The following CDH13 variants were observed in gnomAD, a reference collection of about 807,000 sequenced individuals.
The protein encoded by CDH13 is cadherin 13, also known as cadherin-13.
A neutral mutation model predicts 63.8 loss-of-function variants in CDH13; 24 were observed. That is an observed-to-expected ratio of 0.38 (90% CI 0.27 to 0.53). The LOEUF is 0.53. CDH13 is among the 20% of genes least tolerant of loss of function. CDH13 has a pLI of 0.85. For missense variants in CDH13, 1,049 were observed against 903.1 expected (o/e 1.16, Z -2.07); for synonymous variants, 503 against 355.3 (o/e 1.42, Z -4.67).
At chr16:83,117,421 G>T (rs1190715922) in intron 3 of CDH13, among the ~76,000 whole-genome samples, 1 of 151,900 alleles carries the variant, frequency 6.6e-6, no homozygotes, top group Non-Finnish European at 1.5e-5. Flanking sequence ...TCGGTGGACC[G>T]CTTCTTGCCT....
chr16:82,683,771 A>T (rs560290608), intron 1 of CDH13, among the ~76,000 whole-genome samples: 1 of 152,348 alleles, frequency 6.6e-6, no homozygotes, highest in South Asian at 2.1e-4. Context: ...ATGAGACTCA[A>T]GCCAAGAAGG....
At chr16:83,193,726 T>A (rs1264183312) in intron 4 of CDH13, among the ~76,000 whole-genome samples, 1 of 152,212 alleles carries the variant, frequency 6.6e-6, no homozygotes. Flanking sequence ...TTCCTCTGCA[T>A]CTTCACCAAG....
chr16:83,535,600 A>G (rs1003967898), intron 7 of CDH13, among the ~76,000 whole-genome samples: 1 of 152,212 alleles, frequency 6.6e-6, no homozygotes, highest in Non-Finnish European at 1.5e-5. Context: ...TGAGATCTCA[A>G]CATGGGGAAG....
At chr16:82,951,541 C>T (rs529809258) in intron 2 of CDH13, among the ~76,000 whole-genome samples, 6 of 152,120 alleles carry the variant, frequency 3.9e-5, no homozygotes, top group Non-Finnish European at 5.9e-5. Context: ...GGTTCTTATG[C>T]GAGACCACGG....
intron 1 of CDH13, among the ~76,000 whole-genome samples, chr16:82,767,747 C>G (rs752670448): frequency 5.3e-5 from 8 of 152,208 alleles, no homozygotes; most frequent in Non-Finnish European, 8.8e-5. Context: ...TGAGCTCTCT[C>G]TCCTTTGGAC....
chr16:82,769,158 A>T (rs2035168949), intron 1 of CDH13, among the ~76,000 whole-genome samples: 1 of 152,162 alleles, frequency 6.6e-6, no homozygotes, highest in South Asian at 2.1e-4. Context: ...GTCACAGGCA[A>T]ATGGCTTTAT....
intron 5 of CDH13, among the ~76,000 whole-genome samples, chr16:83,226,295 A>C (rs1321849166): frequency 6.6e-6 from 1 of 152,196 alleles, no homozygotes; most frequent in Non-Finnish European, 1.5e-5. Context: ...CCTGGATTAG[A>C]CTGCTGAGTT....
chr16:83,042,073 G>C (rs539670742), intron 3 of CDH13, among the ~76,000 whole-genome samples: 1 of 152,142 alleles, frequency 6.6e-6, no homozygotes, highest in African/African-American at 2.4e-5. Flanking sequence ...TGAATCCTCT[G>C]TTTGTTTTGG....
rs150220335 is a variant in CDH13 at position 83,066,884 on chromosome 16, G to C, written c.366+34666G>C. 2.2e-3 allele frequency among the ~76,000 whole-genome samples: 332 copies of C among 152,324 alleles called. 2 individuals carry two copies. Among genetic ancestry groups the C allele is most frequent in the African/African-American group, 7.6e-3 (318 of 41,590 alleles). On this transcript the variant is annotated intron_variant, in intron 3 of 13. Transcript: ENST00000567109. ...GAGCATGAAGTGTTGGTTAGAGTGA[G>C]TGCTTAAAGGCACTGGACTAAGAAA...
At chr16:83,286,336 A>C (rs75230925) in intron 5 of CDH13, among the ~76,000 whole-genome samples, 8,430 of 152,220 alleles carry the variant, frequency 0.055, 264 homozygotes, top group Non-Finnish European at 0.068. Flanking sequence ...TGGTGAACCC[A>C]AAGAGTTCTA....
chr16:83,412,589 A>C (rs566390527), intron 6 of CDH13, among the ~76,000 whole-genome samples: 1 of 152,342 alleles, frequency 6.6e-6, no homozygotes, highest in African/African-American at 2.4e-5. Context: ...TGGGTCACCC[A>C]TCTTTATTTG....
intron 6 of CDH13, among the ~76,000 whole-genome samples, chr16:83,415,035 A>G (rs2092179980): frequency 6.6e-6 from 1 of 152,162 alleles, no homozygotes; most frequent in Non-Finnish European, 1.5e-5. Context: ...CTAAGGGGAA[A>G]AAAGAGAGAA....
intron 11 of CDH13, among the ~76,000 whole-genome samples, chr16:83,750,802 T>C (rs1412898125): frequency 1.3e-5 from 2 of 152,186 alleles, no homozygotes; most frequent in Non-Finnish European, 2.9e-5. Context: ...TGCTTCAGTC[T>C]TGGACTTCAG....
intron 5 of CDH13, among the ~76,000 whole-genome samples, chr16:83,289,601 T>C (rs1412718013): frequency 6.6e-6 from 1 of 152,120 alleles, no homozygotes; most frequent in African/African-American, 2.4e-5. Context: ...TAATATAAAT[T>C]TAATATTAAT....
chr16:82,986,557 G>T (rs1470224159), intron 2 of CDH13, among the ~76,000 whole-genome samples: 1 of 152,196 alleles, frequency 6.6e-6, no homozygotes, highest in African/African-American at 2.4e-5. Context: ...GAATGTGGCT[G>T]CTCTAAGCTG....
intron 2 of CDH13, among the ~76,000 whole-genome samples, chr16:82,960,851 A>G (rs538650869): frequency 3.9e-5 from 6 of 152,248 alleles, no homozygotes; most frequent in South Asian, 2.1e-4. Flanking sequence ...AAATAAGTCT[A>G]TTGTGATTTT....
chr16:83,188,656 C>A (rs1009146404), intron 4 of CDH13, among the ~76,000 whole-genome samples: 1 of 152,092 alleles, frequency 6.6e-6, no homozygotes, highest in African/African-American at 2.4e-5. Context: ...GAAATTTAAG[C>A]CTCCTGGAAT....
chr16:82,652,927 C>T (rs908405192), intron 1 of CDH13, among the ~76,000 whole-genome samples: 2 of 152,100 alleles, frequency 1.3e-5, no homozygotes, highest in African/African-American at 2.4e-5. Context: ...CATCCCACTC[C>T]TTCATTAGCT....
At chr16:83,345,736 A>G (rs530564029) in intron 6 of CDH13, among the ~76,000 whole-genome samples, 7 of 152,208 alleles carry the variant, frequency 4.6e-5, no homozygotes, top group Non-Finnish European at 1.0e-4. Flanking sequence ...ATGAAAGAAT[A>G]AAACAGAAAA....
Sources: allele counts gnomAD v4.1 joint callset (sites outside exome capture counted in the v4.1 genomes callset), GRCh38; gene constraint gnomAD v4.1.1; transcripts MANE v1.5; gene names NCBI Gene and HGNC (gene_info 2026-07-23, HGNC 2026-07-21).